NCKAP5L: variants seen among roughly 807,000 people sequenced by gnomAD.
The protein encoded by NCKAP5L is NCK associated protein 5 like, also known as nck-associated protein 5-like.
NCKAP5L carries 54 observed loss-of-function variants against 103.2 expected under a neutral mutation model. The ratio of observed to expected loss-of-function variants is 0.52; its 90% CI spans 0.42 to 0.66. NCKAP5L has a LOEUF of 0.66. NCKAP5L is among the 30% of genes least tolerant of loss of function. The pLI, the probability that NCKAP5L is intolerant of heterozygous loss-of-function variation, is 0.00. For synonymous variants in NCKAP5L, 762 were observed against 748.6 expected (o/e 1.02, Z -0.29); for missense variants, 1,733 against 1,750.6 (o/e 0.99, Z 0.18).
chr12:49,818,872 A>G (rs1417992880), intron 1 of NCKAP5L, among the ~76,000 whole-genome samples: 3 of 152,158 alleles, frequency 2.0e-5, no homozygotes, highest in African/African-American at 7.2e-5. Context: ...TAGTATAGCC[A>G]CTATGGTAAA....
In NCKAP5L at chr12:49,803,777, T is replaced by G. The variant is rs1038846793; in HGVS notation, c.123+145A>C. ...CTCAGAGGAGCTTTGCAAAAGAATG[T>G]TCTGCTAGCCTCCTGCCTGGCAAAG... is the stretch of plus-strand genomic sequence containing the variant. On this transcript the variant is annotated intron_variant, in intron 3 of 12. Coordinates refer to ENST00000335999, the MANE Select transcript of NCKAP5L (RefSeq NM_001037806.4). 4.5e-6 allele frequency: 5 copies of G among 1,110,964 alleles called. No homozygotes were observed. The African/African-American group carries it at 4.7e-5, about 11-fold the overall frequency. 68.8% of individuals were successfully genotyped at this position (1,110,964 alleles called of 1,614,324 possible). A position where few individuals can be genotyped will look rare whatever the true frequency, so the allele number is the denominator to read the frequency against.
At position 49,795,095 on chromosome 12, in the gene NCKAP5L, C is replaced by T. The variant is rs770021115; in HGVS notation, c.2765G>A (p.Gly922Asp). 2 of 1,612,904 alleles carry T rather than the reference C, an allele frequency of 1.2e-6. No homozygotes were observed. Among genetic ancestry groups the T allele is most frequent in the Non-Finnish European group, 1.7e-6 (2 of 1,179,660 alleles). ...CGCTGGCAGCTTGCTCTTCTTAAGGCCGAACCAGCTGGCGATGCTGCTGGT... is the reference window on the plus strand; with the variant it reads ...CGCTGGCAGCTTGCTCTTCTTAAGGTCGAACCAGCTGGCGATGCTGCTGGT... ...RNTSSIASWF[G>D]LKKSKLPALN... The change falls in exon 8 of 13, where the codon GGC (glycine) becomes GAC (aspartate). Residue 922 changes from glycine (G) to aspartate (D), a missense_variant. Gly to Asp is a moderately conservative substitution (Grantham distance 94). Coordinates refer to ENST00000335999, the MANE Select transcript of NCKAP5L (RefSeq NM_001037806.4).
At position 49,795,069 on chromosome 12, in the gene NCKAP5L, G is replaced by T; in HGVS notation, c.2791C>A (p.Leu931Met). Residue 931 changes from leucine (L) to methionine (M), a missense_variant, in exon 8 of 13, where the codon CTG becomes ATG. Physicochemically the swap from Leu to Met is conservative, Grantham distance 15 (BLOSUM62 2). Coordinates refer to ENST00000335999, the MANE Select transcript of NCKAP5L (RefSeq NM_001037806.4). The stretch of plus-strand genomic sequence containing the variant: ...TTGGTGGCCTCTGTGCGGCGGTTCA[G>T]CGCTGGCAGCTTGCTCTTCTTAAGG... ...FGLKKSKLPA[L>M]NRRTEATKNK... The T allele has an allele frequency of 6.2e-7, 1 of 1,611,758 alleles. No individual in the cohort carries two copies. Among genetic ancestry groups the T allele is most frequent in the Non-Finnish European group, 8.5e-7 (1 of 1,179,174 alleles).
At chr12:49,803,219 C>T in intron 3 of NCKAP5L, 54 bp from the exon 4 acceptor site, 2 of 1,571,546 alleles carry the variant, frequency 1.3e-6, no homozygotes, top group South Asian at 1.1e-5. Context: ...GATTATTCTT[C>T]CCCCAGGGCA....
Position 49,798,464 on chromosome 12 carries a change from C to A in NCKAP5L, c.352-1G>T, listed in dbSNP as rs1348557545. On this transcript the variant is annotated splice_acceptor_variant, in intron 6 of 12. Coordinates refer to ENST00000335999, the MANE Select transcript of NCKAP5L (RefSeq NM_001037806.4). LOFTEE classifies it high-confidence loss of function. ...GTGGCTGGAGTGGAGTGAGTGGGAT[C>A]TGCAGAGGGAGAGGCAGAGTTAGCA... is the stretch of plus-strand genomic sequence containing the variant. The A allele has an allele frequency of 5.7e-6, 9 of 1,570,530 alleles. No homozygotes were observed. Among genetic ancestry groups the A allele is most frequent in the Non-Finnish European group, 7.8e-6 (9 of 1,157,376 alleles).
rs1368315237 is a variant in NCKAP5L at position 49,797,262 on chromosome 12, T to C, written c.598A>G (p.Thr200Ala). Residue 200 changes from threonine to alanine, a missense_variant, in exon 8 of 13, where the codon ACT (threonine) becomes GCT (alanine). By Grantham distance (58) the Thr-to-Ala change is moderately conservative. Coordinates refer to ENST00000335999, the MANE Select transcript of NCKAP5L (RefSeq NM_001037806.4). The surrounding 1 kb of genome is among the most constrained non-coding windows in gnomAD (Gnocchi z 4.5). ...ILEVLRALEETDPLLLCSPAT... is the reference protein window; with the variant it reads ...ILEVLRALEEADPLLLCSPAT... ...GGTGAGCAGAGAAGCAAGGGGTCAG[T>C]CTCTTCCAGGGCTCTCAGCACCTCC... 6.2e-7 allele frequency: 1 copy of C among 1,613,424 alleles called. No individual in the cohort carries two copies. Among genetic ancestry groups the C allele is most frequent in the East Asian group, 2.2e-5 (1 of 44,852 alleles).
At chr12:49,825,441 T>TG (rs1218565360) in intron 1 of NCKAP5L, among the ~76,000 whole-genome samples, 2 of 152,142 alleles carry the variant, frequency 1.3e-5, no homozygotes, top group African/African-American at 4.8e-5. Flanking sequence ...TCAGGCATGA[T>TG]GGGGTCAGGG....
At chr12:49,824,288 C>T (rs1269124862) in intron 1 of NCKAP5L, among the ~76,000 whole-genome samples, 1 of 152,200 alleles carries the variant, frequency 6.6e-6, no homozygotes, top group Non-Finnish European at 1.5e-5. Context: ...TAAGTGAGTG[C>T]TCAGCCCTCC....
intron 1 of NCKAP5L, among the ~76,000 whole-genome samples, chr12:49,820,333 T>C (rs1373227858): frequency 6.6e-6 from 1 of 150,598 alleles, no homozygotes; most frequent in African/African-American, 2.4e-5. Flanking sequence ...TTTTTTTTTT[T>C]TGAGATGGAG....
intron 1 of NCKAP5L, among the ~76,000 whole-genome samples, chr12:49,819,208 A>G (rs138211912): frequency 0.021 from 3,156 of 151,830 alleles, 89 homozygotes; most frequent in East Asian, 0.14. Flanking sequence ...GCTACCTGGG[A>G]GGCCGAGGCG....
rs1946136706 is a variant in NCKAP5L at position 49,802,976 on chromosome 12, C to T, written c.213G>A (p.Gln71=). The T allele has an allele frequency of 1.2e-6, 2 of 1,614,094 alleles. No homozygotes were observed. Among genetic ancestry groups the T allele is most frequent in the Admixed American group, 1.7e-5 (1 of 59,998 alleles). ...TACTCACCTTCTGGTTCAGCAACGC[C>T]TGTACCACATGGTTGGCAACCTGGG... ...CLDEVANHVV[Q]ALLNQKDLRE... The change falls in exon 5 of 13, where the codon CAG becomes CAA. Residue 71 remains glutamine, a synonymous_variant. Coordinates refer to ENST00000335999, the MANE Select transcript of NCKAP5L (RefSeq NM_001037806.4).
chr12:49,820,908 C>G (rs1946354225), intron 1 of NCKAP5L, among the ~76,000 whole-genome samples: 1 of 152,214 alleles, frequency 6.6e-6, no homozygotes, highest in African/African-American at 2.4e-5. Context: ...TGGCACCCCT[C>G]TGGGCCTCAG....
At chr12:49,812,746 T>C (rs545830814) in intron 1 of NCKAP5L, among the ~76,000 whole-genome samples, 2 of 152,244 alleles carry the variant, frequency 1.3e-5, no homozygotes, top group Non-Finnish European at 2.9e-5. Flanking sequence ...CCATCCATTC[T>C]ACTGATGAAC....
At chr12:49,808,997 G>A (rs531989282) in intron 1 of NCKAP5L, among the ~76,000 whole-genome samples, 7 of 152,118 alleles carry the variant, frequency 4.6e-5, no homozygotes, top group South Asian at 4.2e-4. Context: ...AGAGAAGGAG[G>A]GGGGAGAAGA....
chr12:49,818,959 G>A (rs1946330869), intron 1 of NCKAP5L, among the ~76,000 whole-genome samples: 1 of 151,162 alleles, frequency 6.6e-6, no homozygotes, highest in Admixed American at 6.6e-5. Context: ...CACTTTGGGA[G>A]GCCAAGGCAG....
intron 1 of NCKAP5L, among the ~76,000 whole-genome samples, chr12:49,813,821 C>A (rs1946267385): frequency 6.6e-6 from 1 of 152,156 alleles, no homozygotes; most frequent in African/African-American, 2.4e-5. Flanking sequence ...AGACACTGCG[C>A]CTGGCCTACA....
In NCKAP5L at chr12:49,795,275, G is replaced by A; in HGVS notation, c.2585C>T (p.Pro862Leu). ...TGGGTCAGTGGGGCCAGGTACTAGG[G>A]GTGTGGACTGGGCCGTGGTACTACC... ...DCGSTTAQSTPLVPGPTDPSQ... is the reference protein window; with the variant it reads ...DCGSTTAQSTLLVPGPTDPSQ... Residue 862 changes from proline (P) to leucine (L), a missense_variant, in exon 8 of 13, where the codon CCC (proline) becomes CTC (leucine). Coordinates refer to ENST00000335999, the MANE Select transcript of NCKAP5L (RefSeq NM_001037806.4). 1 of 1,537,228 alleles carries A rather than the reference G, an allele frequency of 6.5e-7. No homozygotes were observed. Among genetic ancestry groups the A allele is most frequent in the Non-Finnish European group, 8.7e-7 (1 of 1,144,090 alleles).
At chr12:49,812,014 C>T (rs918791439) in intron 1 of NCKAP5L, among the ~76,000 whole-genome samples, 2 of 152,122 alleles carry the variant, frequency 1.3e-5, no homozygotes, top group African/African-American at 4.8e-5. Context: ...CCTCTGTGAC[C>T]ACTTCCTCCT....
chr12:49,827,971 G>A (rs2137051464), intron 1 of NCKAP5L, among the ~76,000 whole-genome samples: 1 of 152,320 alleles, frequency 6.6e-6, no homozygotes, highest in Non-Finnish European at 1.5e-5. Flanking sequence ...GTGAGCAGCT[G>A]GGGCAAGGTC....
Sources: gnomAD v4.1 joint callset for allele counts (sites outside exome capture counted in the v4.1 genomes callset) on GRCh38, gnomAD v4.1.1 for gene constraint, Gnocchi (gnomAD v3.1) non-coding constraint, MANE v1.5 for transcripts, NCBI Gene and HGNC (gene_info 2026-07-23, HGNC 2026-07-21) for gene names.